Variants in PARD3 observed in about 807,000 individuals in gnomAD.
PARD3 encodes par-3 family cell polarity regulator, also known as partitioning defective 3 homolog.
Under a neutral mutation model 155.4 loss-of-function variants are expected in PARD3, and 75 were observed. The ratio of observed to expected loss-of-function variants is 0.48; its 90% CI spans 0.40 to 0.58. The LOEUF (loss-of-function observed/expected upper bound fraction) is 0.58, where lower values mean the gene tolerates loss of function less well. PARD3 is among the 20% of genes least tolerant of loss of function. The pLI is 0.00. For missense variants in PARD3, 1,642 were observed against 1,721.7 expected (o/e 0.95, Z 0.82); for synonymous variants, 576 against 610.5 (o/e 0.94, Z 0.83).
chr10:34,789,709 G>A (rs1159215223), intron 1 of PARD3, among the ~76,000 whole-genome samples: 3 of 150,722 alleles, frequency 2.0e-5, no homozygotes, highest in South Asian at 2.1e-4. Context: ...GTTACCACCC[G>A]CCCCCCCAAA....
At chr10:34,745,083 T>C (rs1396436912) in intron 1 of PARD3, among the ~76,000 whole-genome samples, 1 of 152,178 alleles carries the variant, frequency 6.6e-6, no homozygotes, top group Non-Finnish European at 1.5e-5. Flanking sequence ...AAAACAAGGC[T>C]GGTTGTAGTG....
In PARD3 at chr10:34,439,927, T is replaced by A. The variant is rs901607747; in HGVS notation, c.714+10390A>T. 4.6e-5 allele frequency among the ~76,000 whole-genome samples: 7 copies of A among 151,636 alleles called. No homozygotes were observed. The East Asian group carries it at 1.4e-3, about 30-fold the overall frequency. On this transcript the variant is annotated intron_variant, in intron 5 of 24. Coordinates refer to ENST00000374788, the MANE Select transcript of PARD3 (RefSeq NM_001184785.2). ...GCCATTAGAGCACAGGAAAAAAAAA[T>A]TCAAAAATAAAGGAAAAACATGGCT... is the stretch of plus-strand genomic sequence containing the variant.
At chr10:34,344,078 G>C in intron 15 of PARD3, 2 of 954,078 alleles carry the variant, frequency 2.1e-6, no homozygotes, top group East Asian at 1.2e-4. Flanking sequence ...ACAAACTACT[G>C]AGATAAATTC....
intron 3 of PARD3, among the ~76,000 whole-genome samples, chr10:34,511,286 G>T (rs528664968): frequency 1.3e-5 from 2 of 152,102 alleles, no homozygotes; most frequent in East Asian, 1.9e-4. Flanking sequence ...GAGATGTTGT[G>T]TTTTTTTCAT....
At chr10:34,179,862 A>C (rs1204123073) in intron 22 of PARD3, among the ~76,000 whole-genome samples, 3 of 152,234 alleles carry the variant, frequency 2.0e-5, no homozygotes, top group African/African-American at 7.2e-5. Context: ...GAGAAAGGGC[A>C]CATGTGCAGG....
At chr10:34,699,465 A>G (rs930096200) in intron 1 of PARD3, among the ~76,000 whole-genome samples, 2 of 152,260 alleles carry the variant, frequency 1.3e-5, no homozygotes, top group Non-Finnish European at 2.9e-5. Context: ...GGAAATTTTA[A>G]CTGGCAGCTT....
At chr10:34,230,119 A>G (rs1588864674) in intron 22 of PARD3, among the ~76,000 whole-genome samples, 2 of 152,146 alleles carry the variant, frequency 1.3e-5, no homozygotes, top group African/African-American at 4.8e-5. Context: ...TGAGCTGAGG[A>G]AACAATGTGG....
intron 1 of PARD3, among the ~76,000 whole-genome samples, chr10:34,811,348 C>T (rs1218206456): frequency 6.6e-6 from 1 of 152,144 alleles, no homozygotes; most frequent in South Asian, 2.1e-4. Context: ...CCTGGAATGC[C>T]CTCCCTTTCA....
Position 34,697,943 on chromosome 10 carries a change from C to T in PARD3, c.121-1524G>A, listed in dbSNP as rs144536138. 6.2e-3 allele frequency among the ~76,000 whole-genome samples: 943 copies of T among 152,112 alleles called. 11 individuals are homozygous for T. Among genetic ancestry groups the T allele is most frequent in the African/African-American group, 0.022 (920 of 41,482 alleles). On this transcript the variant is annotated intron_variant, in intron 1 of 24. Coordinates refer to ENST00000374788, the MANE Select transcript of PARD3 (RefSeq NM_001184785.2). ...TGTTGAGTCCCCAAAGAATGAAGTCCCAAAACCATTTACTGATGGTAAATG... is the reference window on the plus strand; with the variant it reads ...TGTTGAGTCCCCAAAGAATGAAGTCTCAAAACCATTTACTGATGGTAAATG...
chr10:34,525,477 G>T (rs530570053), intron 2 of PARD3, among the ~76,000 whole-genome samples: 1 of 152,294 alleles, frequency 6.6e-6, no homozygotes, highest in South Asian at 2.1e-4. Context: ...TATTAGAGCA[G>T]TACCTCACCT....
At chr10:34,345,384 C>CAACCTGTTA (rs1837303589) in intron 15 of PARD3, 2 of 985,202 alleles carry the variant, frequency 2.0e-6, no homozygotes, top group Non-Finnish European at 2.4e-6. Context: ...TATGAAAATT[C>CAACCTGTTA]AACCTGTTAA....
chr10:34,681,768 ATTTTTTTTTTTTTTTTTT>A (rs56661701), intron 2 of PARD3, among the ~76,000 whole-genome samples: 1 of 17,400 alleles, frequency 5.7e-5, no homozygotes, highest in Non-Finnish European at 9.3e-5. Flanking sequence ...ATATATATAT[ATTTTTTTTTTTTTTTTTT>A]TTTTTTTTTT....
chr10:34,438,793 CAG>C (rs1325473836), intron 5 of PARD3, among the ~76,000 whole-genome samples: 2 of 152,088 alleles, frequency 1.3e-5, no homozygotes, highest in Non-Finnish European at 2.9e-5. Flanking sequence ...GAGACAATAA[CAG>C]AAGGCTGCAG....
At chr10:34,715,514 A>G (rs2094507076) in intron 1 of PARD3, among the ~76,000 whole-genome samples, 1 of 152,176 alleles carries the variant, frequency 6.6e-6, no homozygotes, top group African/African-American at 2.4e-5. Context: ...CCTCCTGGAA[A>G]GCCATCCCTA....
At chr10:34,386,318 T>A (rs181055723) in intron 7 of PARD3, among the ~76,000 whole-genome samples, 3 of 152,292 alleles carry the variant, frequency 2.0e-5, no homozygotes, top group African/African-American at 7.2e-5. Flanking sequence ...CATAAAATTA[T>A]CTCAACTCAA....
At chr10:34,666,654 T>A (rs2093477791) in intron 2 of PARD3, among the ~76,000 whole-genome samples, 1 of 151,244 alleles carries the variant, frequency 6.6e-6, no homozygotes, top group Non-Finnish European at 1.5e-5. Context: ...ACACCTAACA[T>A]GGGATTGACA....
intron 7 of PARD3, among the ~76,000 whole-genome samples, chr10:34,388,577 G>C (rs1429588835): frequency 6.6e-6 from 1 of 152,154 alleles, no homozygotes; most frequent in Non-Finnish European, 1.5e-5. Context: ...CTAGAAATCA[G>C]AATTTGTTCT....
intron 1 of PARD3, among the ~76,000 whole-genome samples, chr10:34,777,796 T>G (rs1839770318): frequency 1.3e-5 from 2 of 152,062 alleles, no homozygotes; most frequent in Admixed American, 1.3e-4. Context: ...CCTCTCAAAG[T>G]GTTGGGATTA....
At chr10:34,370,351 T>A (rs1004078208) in intron 12 of PARD3, among the ~76,000 whole-genome samples, 5 of 152,156 alleles carry the variant, frequency 3.3e-5, no homozygotes, top group African/African-American at 4.8e-5. Context: ...GAATACCACA[T>A]CAAAAGATGC....
Sources: gnomAD v4.1 joint callset for allele counts (sites outside exome capture counted in the v4.1 genomes callset) on GRCh38, gnomAD v4.1.1 for gene constraint, MANE v1.5 for transcripts, NCBI Gene and HGNC (gene_info 2026-07-23, HGNC 2026-07-21) for gene names.